Variants in OPCML observed in about 807,000 individuals in gnomAD.
OPCML encodes opioid-binding protein/cell adhesion molecule.
OPCML carries 13 observed loss-of-function variants against 37.8 expected under a neutral mutation model. The ratio of observed to expected loss-of-function variants is 0.34; its 90% CI spans 0.22 to 0.55. OPCML has a LOEUF of 0.55. Among genes scored for constraint, OPCML ranks in the 20% least tolerant of loss-of-function variants. OPCML has a pLI of 0.91. For synonymous variants in OPCML, 176 were observed against 168.8 expected, an observed-to-expected ratio of 1.04 and a Z score of -0.33; for missense variants, 341 against 435.6, an observed-to-expected ratio of 0.78 and a Z score of 1.93.
chr11:133,245,485 G>C (rs2136420924), intron 1 of OPCML, among the ~76,000 whole-genome samples: 1 of 152,268 alleles, frequency 6.6e-6, no homozygotes, highest in Admixed American at 6.5e-5. Flanking sequence ...CGTTGTTGTA[G>C]AATGAAACCT....
chr11:133,052,622 G>T (rs1170795081), intron 1 of OPCML, among the ~76,000 whole-genome samples: 1 of 152,164 alleles, frequency 6.6e-6, no homozygotes, highest in African/African-American at 2.4e-5. Flanking sequence ...AGTTCTGCTG[G>T]CTCTGGAGCC....
At chr11:132,854,532 G>A (rs1941969327) in intron 2 of OPCML, among the ~76,000 whole-genome samples, 2 of 152,154 alleles carry the variant, frequency 1.3e-5, no homozygotes, top group South Asian at 4.2e-4. Context: ...GGCTAAGCAG[G>A]AGCCCCCAGC....
At chr11:132,887,795 G>A (rs61906897) in intron 2 of OPCML, among the ~76,000 whole-genome samples, 22,762 of 152,254 alleles carry the variant, frequency 0.15, 2,106 homozygotes, top group Middle Eastern at 0.22. Context: ...CCCTGTCCGC[G>A]CTGCGGCACC....
intron 2 of OPCML, among the ~76,000 whole-genome samples, chr11:132,798,519 A>T (rs1383050750): frequency 1.3e-5 from 2 of 152,242 alleles, no homozygotes; most frequent in Non-Finnish European, 1.5e-5. Context: ...AGACTGTATT[A>T]TGAAATTGCA....
At chr11:133,213,394 G>T (rs904458371) in intron 1 of OPCML, among the ~76,000 whole-genome samples, 2 of 152,060 alleles carry the variant, frequency 1.3e-5, no homozygotes, top group African/African-American at 4.8e-5. Context: ...AACATCTAAT[G>T]TAGAAAGACA....
At chr11:132,897,845 A>G (rs535921298) in intron 2 of OPCML, among the ~76,000 whole-genome samples, 1 of 152,202 alleles carries the variant, frequency 6.6e-6, no homozygotes, top group Non-Finnish European at 1.5e-5. Flanking sequence ...TGGCAAAAAC[A>G]TTGAGAGAAT....
intron 1 of OPCML, among the ~76,000 whole-genome samples, chr11:133,192,863 T>G (rs1938379114): frequency 6.7e-6 from 1 of 148,430 alleles, no homozygotes; most frequent in African/African-American, 2.5e-5. Flanking sequence ...GTGTTTTCTT[T>G]TCTTTTCTTT....
At chr11:132,944,276 C>G (rs1336728459) in intron 1 of OPCML, among the ~76,000 whole-genome samples, 1 of 152,182 alleles carries the variant, frequency 6.6e-6, no homozygotes, top group African/African-American at 2.4e-5. Flanking sequence ...CTGGCACCTT[C>G]CCTCGCCGAT....
intron 2 of OPCML, among the ~76,000 whole-genome samples, chr11:132,750,251 A>G (rs556521076): frequency 6.6e-6 from 1 of 152,348 alleles, no homozygotes; most frequent in African/African-American, 2.4e-5. Flanking sequence ...TCTAAAATTT[A>G]TATATTGAAA....
At chr11:132,909,848 A>G (rs1944363986) in intron 2 of OPCML, among the ~76,000 whole-genome samples, 1 of 152,258 alleles carries the variant, frequency 6.6e-6, no homozygotes, top group South Asian at 2.1e-4. Context: ...AGAGGCTTCT[A>G]GAATCTCCTG....
At chr11:133,040,125 C>T (rs1947862980) in intron 1 of OPCML, among the ~76,000 whole-genome samples, 1 of 151,954 alleles carries the variant, frequency 6.6e-6, no homozygotes, top group Non-Finnish European at 1.5e-5. Flanking sequence ...TAATGACATC[C>T]TCACGTCAAC....
At chr11:132,495,647 T>C (rs2096228827) in intron 4 of OPCML, among the ~76,000 whole-genome samples, 1 of 152,134 alleles carries the variant, frequency 6.6e-6, no homozygotes, top group Non-Finnish European at 1.5e-5. Context: ...ATCCCAGCAC[T>C]TTGGGAAGCC....
chr11:132,994,299 G>A (rs1299178866), intron 1 of OPCML, among the ~76,000 whole-genome samples: 2 of 152,194 alleles, frequency 1.3e-5, no homozygotes, highest in African/African-American at 4.8e-5. Context: ...AAGCCCAGGC[G>A]CGATTTTCTA....
At chr11:133,513,986 G>A (rs947205690) in intron 1 of OPCML, among the ~76,000 whole-genome samples, 1 of 152,150 alleles carries the variant, frequency 6.6e-6, no homozygotes, top group Non-Finnish European at 1.5e-5. Flanking sequence ...CAAAGGGTCA[G>A]TCCCTACACA....
chr11:132,767,581 G>C (rs894983378), intron 2 of OPCML, among the ~76,000 whole-genome samples: 8 of 152,100 alleles, frequency 5.3e-5, no homozygotes, highest in Non-Finnish European at 7.4e-5. Flanking sequence ...TATGCCATTT[G>C]CTCCCTCTGG....
At chr11:132,707,610 G>T (rs1944086288) in intron 2 of OPCML, among the ~76,000 whole-genome samples, 1 of 152,088 alleles carries the variant, frequency 6.6e-6, no homozygotes. Flanking sequence ...GGTTCAAAGG[G>T]GCATTGTTTT....
chr11:132,461,821 C>T (rs1363464394), intron 4 of OPCML, among the ~76,000 whole-genome samples: 1 of 152,066 alleles, frequency 6.6e-6, no homozygotes, highest in Non-Finnish European at 1.5e-5. Flanking sequence ...GGAGAAGTGC[C>T]AAGCGAAAGG....
intron 7 of OPCML, among the ~76,000 whole-genome samples, chr11:132,424,622 T>A (rs146721494): frequency 1.3e-5 from 2 of 152,210 alleles, no homozygotes; most frequent in East Asian, 3.9e-4. Context: ...AATGTTGGAG[T>A]TGGACCCATT....
chr11:133,335,189 ACAAC>A (rs1277314616), intron 1 of OPCML, among the ~76,000 whole-genome samples: 3 of 152,292 alleles, frequency 2.0e-5, no homozygotes, highest in Admixed American at 1.3e-4. Flanking sequence ...TTTAATCCTT[ACAAC>A]CATCTTTCAT....
Sources: gnomAD v4.1 joint callset for allele counts (sites outside exome capture counted in the v4.1 genomes callset) on GRCh38, gnomAD v4.1.1 for gene constraint, MANE v1.5 for transcripts, NCBI Gene and HGNC (gene_info 2026-07-23, HGNC 2026-07-21) for gene names.